The following POLD3 variants were observed in gnomAD, a reference collection of about 807,000 sequenced individuals.
POLD3 encodes DNA polymerase delta subunit 3.
Under a neutral mutation model 58.2 loss-of-function variants are expected in POLD3, and 19 were observed. The ratio of observed to expected loss-of-function variants is 0.33; its 90% CI spans 0.23 to 0.48. The LOEUF (loss-of-function observed/expected upper bound fraction) is 0.48. POLD3 is among the 20% of genes least tolerant of loss of function. POLD3 has a pLI of 0.99. For missense variants in POLD3, 504 were observed against 545.5 expected (o/e 0.92, Z 0.76); for synonymous variants, 172 against 193.5 (o/e 0.89, Z 0.92).
At chr11:74,604,299 C>T (rs1240249469) in intron 2 of POLD3, among the ~76,000 whole-genome samples, 1 of 152,170 alleles carries the variant, frequency 6.6e-6, no homozygotes, top group Non-Finnish European at 1.5e-5. Flanking sequence ...CTCCTGTTTA[C>T]GCCTTGGGAT....
chr11:74,595,540 A>G (rs1219065419), intron 2 of POLD3: 1 of 152,106 alleles, frequency 6.6e-6, no homozygotes, highest in Non-Finnish European at 1.5e-5. Flanking sequence ...TTGAAAAATT[A>G]TTTGCAAAAA....
chr11:74,654,139 G>A (rs1254538664), intron 4 of POLD3, among the ~76,000 whole-genome samples: 1 of 152,116 alleles, frequency 6.6e-6, no homozygotes, highest in Non-Finnish European at 1.5e-5. Context: ...CAAGATGAGG[G>A]ATCACATTTC....
At chr11:74,649,299 G>C (rs1465041960) in intron 4 of POLD3, among the ~76,000 whole-genome samples, 2 of 152,192 alleles carry the variant, frequency 1.3e-5, no homozygotes, top group African/African-American at 4.8e-5. Flanking sequence ...ACTTTGTGAG[G>C]TGTAGGTATC....
At chr11:74,609,372 A>ATATATATTTT (rs2031821525) in intron 3 of POLD3, among the ~76,000 whole-genome samples, 1 of 27,210 alleles carries the variant, frequency 3.7e-5, no homozygotes, top group Non-Finnish European at 6.1e-5. Context: ...ATATATATAT[A>ATATATATTTT]TTTTTTTTTT....
chr11:74,653,222 A>T (rs971550806), intron 4 of POLD3, among the ~76,000 whole-genome samples: 2 of 152,206 alleles, frequency 1.3e-5, no homozygotes, highest in Admixed American at 6.5e-5. Flanking sequence ...CTAATACTTA[A>T]CATCATAATA....
intron 4 of POLD3, chr11:74,668,674 A>T: frequency 1.3e-6 from 1 of 790,250 alleles, no homozygotes; most frequent in Non-Finnish European, 1.9e-6. Flanking sequence ...TGGGAACATT[A>T]AAGAGGCCCG....
rs1424917388 is a variant in POLD3, at chr11:74,641,952, C to G, written c.*1186C>G. 1.0e-6 allele frequency: 1 copy of G among 985,324 alleles called. No homozygotes were observed. Among genetic ancestry groups the G allele is most frequent in the Non-Finnish European group, 1.2e-6 (1 of 829,936 alleles). 61.0% of individuals were successfully genotyped at this position (985,324 alleles called of 1,614,324 possible). ...TACAATGATAACCTTCAAGTGACTT[C>G]CATTATGGCTGGACAGGCGGTGAGC... is the stretch of plus-strand genomic sequence containing the variant. On this transcript the variant is annotated 3_prime_UTR_variant, in exon 12 of 12. Coordinates refer to ENST00000263681, the MANE Select transcript of POLD3 (RefSeq NM_006591.3).
chr11:74,642,101 C>G lies in POLD3; in HGVS notation c.*1335C>G, dbSNP rs911479815. 3 of 985,394 alleles carry G rather than the reference C, an allele frequency of 3.0e-6. No homozygotes were observed. Among genetic ancestry groups the G allele is most frequent in the South Asian group, 9.4e-5 (2 of 21,282 alleles). The allele number at this position is 985,394 out of a possible 1,614,324, so 61.0% of individuals were successfully genotyped here. A position where few individuals can be genotyped will look rare whatever the true frequency, so the allele number is the denominator to read the frequency against. Reference sequence around the variant, plus strand: ...GGTGTCTGACTGGCTTCTTTTGCCTCAAGATGGTGTATGTCGTAAGTGATG... The same window carrying G: ...GGTGTCTGACTGGCTTCTTTTGCCTGAAGATGGTGTATGTCGTAAGTGATG... On this transcript the variant is annotated 3_prime_UTR_variant, in exon 12 of 12. Coordinates refer to ENST00000263681, the MANE Select transcript of POLD3 (RefSeq NM_006591.3).
intron 4 of POLD3, among the ~76,000 whole-genome samples, chr11:74,659,312 G>A (rs547757869): frequency 2.6e-5 from 4 of 152,240 alleles, no homozygotes; most frequent in East Asian, 1.9e-4. Flanking sequence ...CCTGACCTAT[G>A]AAACCACTTT....
chr11:74,602,304 A>G (rs2031528843), intron 2 of POLD3, among the ~76,000 whole-genome samples: 1 of 152,146 alleles, frequency 6.6e-6, no homozygotes, highest in Non-Finnish European at 1.5e-5. Flanking sequence ...CAACCTTTTC[A>G]ACATCAACAG....
At chr11:74,619,157 T>C (rs993229849) in intron 6 of POLD3, among the ~76,000 whole-genome samples, 1 of 152,214 alleles carries the variant, frequency 6.6e-6, no homozygotes, top group Non-Finnish European at 1.5e-5. Context: ...GAACATCTTA[T>C]ATTCTGGGCT....
At chr11:74,616,660 TAA>T (rs2032088904) in intron 5 of POLD3, among the ~76,000 whole-genome samples, 9 of 152,346 alleles carry the variant, frequency 5.9e-5, no homozygotes, top group African/African-American at 1.9e-4. Context: ...AAGATGTGTG[TAA>T]ATACAGAGTT....
intron 2 of POLD3, among the ~76,000 whole-genome samples, chr11:74,601,623 C>T (rs2031502689): frequency 6.6e-6 from 1 of 151,992 alleles, no homozygotes; most frequent in South Asian, 2.1e-4. Flanking sequence ...CCTGTTTCTA[C>T]CAGGAAGAAA....
intron 4 of POLD3, among the ~76,000 whole-genome samples, chr11:74,657,885 T>C (rs1487624182): frequency 6.6e-6 from 1 of 152,220 alleles, no homozygotes; most frequent in African/African-American, 2.4e-5. Context: ...CCTTCATGTT[T>C]GAAGGATGTT....
At chr11:74,665,772 A>G (rs1423953770) in intron 4 of POLD3, among the ~76,000 whole-genome samples, 5 of 152,188 alleles carry the variant, frequency 3.3e-5, no homozygotes, top group Non-Finnish European at 7.4e-5. Context: ...CATAAAGGGT[A>G]TCAACAAAAA....
chr11:74,645,940 G>GTT (rs779871745), downstream of POLD3, among the ~76,000 whole-genome samples: 22 of 142,158 alleles, frequency 1.5e-4, no homozygotes, highest in African/African-American at 3.3e-4. Flanking sequence ...GATGATTGAT[G>GTT]TTTTTTTTTT....
intron 1 of POLD3, among the ~76,000 whole-genome samples, chr11:74,593,288 C>G (rs1375734620): frequency 6.6e-6 from 1 of 152,150 alleles, no homozygotes; most frequent in Non-Finnish European, 1.5e-5. Flanking sequence ...GTGACCTCCC[C>G]GCACCCCATC....
intron 1 of POLD3, 188 bp downstream of exon 1, chr11:74,592,906 C>T: frequency 4.9e-6 from 7 of 1,428,822 alleles, no homozygotes; most frequent in South Asian, 1.5e-5. Flanking sequence ...GGTCCTCCAG[C>T]ACACACGGAA....
chr11:74,618,527 C>A lies in POLD3; in HGVS notation c.393-10C>A. 1 of 1,585,300 alleles carries A rather than the reference C, an allele frequency of 6.3e-7. No homozygotes were observed. The highest frequency in any genetic ancestry group is 8.6e-7 in the Non-Finnish European group (1 of 1,160,796). On this transcript the variant is annotated splice_polypyrimidine_tract_variant and intron_variant, in intron 5 of 11. Coordinates refer to ENST00000263681, the MANE Select transcript of POLD3 (RefSeq NM_006591.3). Reference sequence around the variant, plus strand: ...CTGACATTAACTTAATGTAACATTTCTGTCCCCAGATTTAGTGCTATACAA... The same window carrying A: ...CTGACATTAACTTAATGTAACATTTATGTCCCCAGATTTAGTGCTATACAA...
Sources: allele counts gnomAD v4.1 joint callset (sites outside exome capture counted in the v4.1 genomes callset), GRCh38; gene constraint gnomAD v4.1.1; transcripts MANE v1.5; gene names NCBI Gene and HGNC (gene_info 2026-07-23, HGNC 2026-07-21).